The following ISX variants were observed in gnomAD, a reference collection of about 807,000 sequenced individuals.
ISX encodes intestine specific homeobox.
In ISX, 15 loss-of-function variants were observed where a neutral mutation model predicts 16.9. That is an observed-to-expected ratio of 0.89 (90% CI 0.59 to 1.36). The LOEUF (loss-of-function observed/expected upper bound fraction) is 1.36. ISX is among the 40% of genes most tolerant of loss of function. The probability of loss-of-function intolerance (pLI) is 0.00; values close to 1 mark genes in which losing one functional copy is unlikely to be tolerated. For synonymous variants in ISX, 125 were observed against 119.7 expected (o/e 1.04, Z -0.29); for missense variants, 316 against 306.1 (o/e 1.03, Z -0.24).
intron 2 of ISX, 115 bp from the exon 3 acceptor site, chr22:35,082,403 G>C (rs992947164): frequency 9.1e-6 from 9 of 988,960 alleles, no homozygotes; most frequent in Admixed American, 6.6e-5. Flanking sequence ...AAGAAGCCAG[G>C]GGCCAAGGCT....
Position 35,085,462 on chromosome 22 carries a change from G to A in ISX, c.507G>A (p.Thr169=), listed in dbSNP as rs199896807. Residue 169 remains threonine, a synonymous_variant, in exon 5 of 5, where the codon ACG becomes ACA. Coordinates refer to ENST00000404699, the MANE Select transcript of ISX (RefSeq NM_001303508.2). ...ACCTCTCCTTGTGACAGGGGCCCAC[G>A]TGGACATCCACTGCTCTGCGCAGGC... is the stretch of plus-strand genomic sequence containing the variant. ...LPTNLDVAGP[T]WTSTALRRLA... 35 of 1,614,180 alleles carry A rather than the reference G, an allele frequency of 2.2e-5. No individual in the cohort carries two copies. Among genetic ancestry groups the A allele is most frequent in the South Asian group, 5.5e-5 (5 of 91,088 alleles).
rs1226612167 is a variant in ISX at position 35,074,151 on chromosome 22, C to T, written c.229+6835C>T. Among the ~76,000 whole-genome samples, 4 of 152,202 alleles carry T rather than the reference C, an allele frequency of 2.6e-5. No homozygotes were observed. In the South Asian group the frequency reaches 6.2e-4, roughly 24 times the overall value. The stretch of plus-strand genomic sequence containing the variant: ...CTTCCTTGCTGCTAATTGGCATTCT[C>T]CTAATAGTTTCCAATAGCTCCAAGA... On this transcript the variant is annotated intron_variant, in intron 2 of 4. Coordinates refer to ENST00000404699, the MANE Select transcript of ISX (RefSeq NM_001303508.2).
Position 35,084,413 on chromosome 22 carries a change from C to A in ISX, c.412C>A (p.Arg138=), listed in dbSNP as rs758150909. The A allele has an allele frequency of 1.2e-6, 2 of 1,613,822 alleles. No homozygotes were observed. The highest frequency in any genetic ancestry group is 1.7e-6 in the Non-Finnish European group (2 of 1,179,808). The change falls in exon 4 of 5, where the codon CGG becomes AGG. Residue 138 remains arginine (R), a synonymous_variant. Transcript: ENST00000404699. ...GTTCCAGAATCAGCGAGCCAAGTGGCGGAAGCAGGAGAAGATTGGCAACCT... is the reference window on the plus strand; with the variant it reads ...GTTCCAGAATCAGCGAGCCAAGTGGAGGAAGCAGGAGAAGATTGGCAACCT... ...IWFQNQRAKW[R]KQEKIGNLGA...
chr22:35,073,298 G>A (rs1248169144), intron 2 of ISX, among the ~76,000 whole-genome samples: 3 of 150,488 alleles, frequency 2.0e-5, no homozygotes, highest in Admixed American at 6.6e-5. Context: ...ATGGTGTAGA[G>A]CAGTGGTCCC....
Position 35,087,383 on chromosome 22 carries a change from T to G in ISX, c.*1690T>G, listed in dbSNP as rs1929280019. On this transcript the variant is annotated 3_prime_UTR_variant, in exon 5 of 5. Transcript: ENST00000404699. Reference sequence around the variant, plus strand: ...CAAAATAAAATTTCTATCATTTTGCTATAACTGGATTTACTTTCTATGTTG... The same window carrying G: ...CAAAATAAAATTTCTATCATTTTGCGATAACTGGATTTACTTTCTATGTTG... 1 of 152,258 alleles carries G rather than the reference T, an allele frequency of 6.6e-6. No homozygotes were observed. The highest frequency in any genetic ancestry group is 2.4e-5 in the African/African-American group (1 of 41,460). 9.4% of individuals were successfully genotyped at this position (152,258 alleles called of 1,614,324 possible). A position where few individuals can be genotyped will look rare whatever the true frequency, so the allele number is the denominator to read the frequency against.
At chr22:35,068,845 C>T (rs145110369) in intron 2 of ISX, among the ~76,000 whole-genome samples, 66 of 152,330 alleles carry the variant, frequency 4.3e-4, no homozygotes, top group African/African-American at 1.4e-3. Flanking sequence ...ATCTCACTGT[C>T]ACACTTGGGA....
rs1374775576 is a variant in ISX, at chr22:35,082,570, G to T, written c.282G>T (p.Leu94=). Reference sequence around the variant, plus strand: ...GTACCACCTTCACCACTGAGCAGCTGCATGAGCTGGAGAAGATCTTCCACT... The same window carrying T: ...GTACCACCTTCACCACTGAGCAGCTTCATGAGCTGGAGAAGATCTTCCACT... ...RVRTTFTTEQ[L]HELEKIFHFT... The change falls in exon 3 of 5, where the codon CTG becomes CTT. Residue 94 remains leucine, a synonymous_variant. Transcript: ENST00000404699. 6.2e-7 allele frequency: 1 copy of T among 1,614,150 alleles called. No homozygotes were observed. Among genetic ancestry groups the T allele is most frequent in the Non-Finnish European group, 8.5e-7 (1 of 1,179,992 alleles).
At chr22:35,070,116 G>C (rs988198545) in intron 2 of ISX, among the ~76,000 whole-genome samples, 2 of 152,228 alleles carry the variant, frequency 1.3e-5, no homozygotes, top group African/African-American at 4.8e-5. Flanking sequence ...GGCCAGGCTA[G>C]TTATCTGGGC....
At chr22:35,078,126 C>T (rs1734833849) in intron 2 of ISX, among the ~76,000 whole-genome samples, 1 of 151,938 alleles carries the variant, frequency 6.6e-6, no homozygotes, top group South Asian at 2.1e-4. Flanking sequence ...CTGTCCTTGA[C>T]ACCTCAGTTT....
At chr22:35,071,840 C>T (rs978296377) in intron 2 of ISX, among the ~76,000 whole-genome samples, 8 of 152,128 alleles carry the variant, frequency 5.3e-5, no homozygotes, top group Admixed American at 4.6e-4. Flanking sequence ...TCACTTCTTT[C>T]TCCTCTCCTC....
rs192929768 is a variant in ISX, at chr22:35,082,599, C to T, written c.311C>T (p.Thr104Ile). Reference sequence around the variant, plus strand: ...GAGCTGGAGAAGATCTTCCACTTTACCCACTACCCAGACGTTCACATCCGC... The same window carrying T: ...GAGCTGGAGAAGATCTTCCACTTTATCCACTACCCAGACGTTCACATCCGC... The part of the protein sequence containing the change: ...LHELEKIFHF[T>I]HYPDVHIRSQ... The change falls in exon 3 of 5, where the codon ACC becomes ATC. Residue 104 changes from threonine (T) to isoleucine (I), a missense_variant. Coordinates refer to ENST00000404699, the MANE Select transcript of ISX (RefSeq NM_001303508.2). 27 of 1,614,184 alleles carry T rather than the reference C, an allele frequency of 1.7e-5. No homozygotes were observed. In the East Asian group the frequency reaches 4.2e-4, roughly 25 times the overall value.
Position 35,067,240 on chromosome 22 carries a change from G to C in ISX, c.153G>C (p.Gly51=). 2 of 1,607,734 alleles carry C rather than the reference G, an allele frequency of 1.2e-6. No individual in the cohort carries two copies. Among genetic ancestry groups the C allele is most frequent in the Non-Finnish European group, 1.7e-6 (2 of 1,177,096 alleles). The change falls in exon 2 of 5, where the codon GGG becomes GGC. Residue 51 remains glycine (G), a synonymous_variant. Transcript: ENST00000404699. ...ARRSDMDRPE[G]PGEEGPGEAA... is the part of the protein sequence containing the mutation. ...GGAGTGATATGGACAGACCAGAAGG[G>C]CCAGGTGAAGAGGGCCCCGGAGAAG...
At chr22:35,077,150 G>A (rs1929003628) in intron 2 of ISX, among the ~76,000 whole-genome samples, 1 of 152,190 alleles carries the variant, frequency 6.6e-6, no homozygotes, top group African/African-American at 2.4e-5. Flanking sequence ...TTCTCCTGGT[G>A]ATTGAGAATC....
Position 35,085,602 on chromosome 22 carries a change from G to A in ISX, c.647G>A (p.Gly216Asp). ...CCATGGGAAACACAGCCTGTCCCAGGTCTTCCCATCCATCAAACTTGCATC... is the reference window on the plus strand; with the variant it reads ...CCATGGGAAACACAGCCTGTCCCAGATCTTCCCATCCATCAAACTTGCATC... ...AHPWETQPVP[G>D]LPIHQTCIPV... is the part of the protein sequence containing the mutation. The change falls in exon 5 of 5, where the codon GGT becomes GAT. Residue 216 changes from glycine to aspartate, a missense_variant. Gly to Asp is a moderately conservative substitution (Grantham distance 94, BLOSUM62 -1). Transcript: ENST00000404699. The A allele has an allele frequency of 6.2e-7, 1 of 1,614,188 alleles. No individual in the cohort carries two copies. Among genetic ancestry groups the A allele is most frequent in the South Asian group, 1.1e-5 (1 of 91,086 alleles).
intron 2 of ISX, among the ~76,000 whole-genome samples, chr22:35,077,908 T>C (rs1929027003): frequency 6.6e-6 from 1 of 152,240 alleles, no homozygotes; most frequent in South Asian, 2.1e-4. Context: ...GAAATATTTA[T>C]TTTATTATAG....
At chr22:35,082,464 A>G in intron 2 of ISX, 54 bp from the exon 3 acceptor site, 1 of 1,583,062 alleles carries the variant, frequency 6.3e-7, no homozygotes, top group Non-Finnish European at 8.7e-7. Context: ...CAAAAACCCC[A>G]CCTAGGTGCT....
intron 2 of ISX, among the ~76,000 whole-genome samples, chr22:35,069,975 T>C (rs1928806959): frequency 6.6e-6 from 1 of 152,196 alleles, no homozygotes; most frequent in African/African-American, 2.4e-5. Flanking sequence ...CCCAGGAATC[T>C]GCATTCTAAC....
At chr22:35,072,865 T>G (rs1263124138) in intron 2 of ISX, among the ~76,000 whole-genome samples, 2 of 152,208 alleles carry the variant, frequency 1.3e-5, no homozygotes, top group African/African-American at 4.8e-5. Context: ...TGGTTCTGGC[T>G]CAGGGTCCCT....
rs1199198073 is a variant in ISX, at chr22:35,082,505, C to T, written c.230-13C>T. ...CAAGGCCACTGACACAACTTGGACC[C>T]TCTCCCATGCAGAAGGAAGGAAGAG... On this transcript the variant is annotated splice_polypyrimidine_tract_variant and intron_variant, in intron 2 of 4. Coordinates refer to ENST00000404699, the MANE Select transcript of ISX (RefSeq NM_001303508.2). 2 of 1,613,438 alleles carry T rather than the reference C, an allele frequency of 1.2e-6. No individual in the cohort carries two copies. Among genetic ancestry groups the T allele is most frequent in the Admixed American group, 1.7e-5 (1 of 60,010 alleles).
Sources: allele counts gnomAD v4.1 joint callset (sites outside exome capture counted in the v4.1 genomes callset), GRCh38; gene constraint gnomAD v4.1.1; transcripts MANE v1.5; gene names NCBI Gene and HGNC (gene_info 2026-07-23, HGNC 2026-07-21).